The following DACH2 variants were observed in gnomAD, a reference collection of about 807,000 sequenced individuals.
The protein encoded by DACH2 is dachshund family transcription factor 2.
DACH2 carries 17 observed loss-of-function variants against 35.8 expected under a neutral mutation model. The ratio of observed to expected loss-of-function variants is 0.48; its 90% CI spans 0.33 to 0.71. DACH2 has a LOEUF of 0.71. DACH2 is among the 30% of genes least tolerant of loss of function. The pLI, the probability that DACH2 is intolerant of heterozygous loss-of-function variation, is 0.02. For missense variants in DACH2, 469 were observed against 472.7 expected, an observed-to-expected ratio of 0.99 and a Z score of 0.07; for synonymous variants, 195 against 177.3, an observed-to-expected ratio of 1.10 and a Z score of -0.79.
intron 2 of DACH2, among the ~76,000 whole-genome samples, chrX:86,429,298 AT>A (rs780704920): frequency 3.8e-4 from 42 of 110,880 alleles, no homozygotes; most frequent in African/African-American, 1.3e-3. Context: ...GGGTCCTATT[AT>A]TTTTTTCTTC....
At chrX:86,336,805 A>G (rs1358969807) in intron 1 of DACH2, among the ~76,000 whole-genome samples, 3 of 109,977 alleles carry the variant, frequency 2.7e-5, no homozygotes, top group African/African-American at 9.9e-5. Context: ...TTCTAACCCA[A>G]TGCAAGAAAG....
intron 1 of DACH2, among the ~76,000 whole-genome samples, chrX:86,173,146 AG>A (rs778163005): frequency 8.9e-6 from 1 of 111,932 alleles, no homozygotes; most frequent in African/African-American, 3.2e-5. Flanking sequence ...CATATAAAAA[AG>A]ATTATCATTC....
At chrX:86,736,985 T>C (rs2041602852) in intron 6 of DACH2, among the ~76,000 whole-genome samples, 2 of 111,670 alleles carry the variant, frequency 1.8e-5, no homozygotes, top group East Asian at 2.8e-4. Context: ...GACACAATGA[T>C]GAAAGGCAAA....
chrX:86,542,336 A>G (rs374145893), intron 3 of DACH2, among the ~76,000 whole-genome samples: 1 of 111,555 alleles, frequency 9.0e-6, no homozygotes, highest in East Asian at 2.8e-4. Flanking sequence ...TCAAGAATGG[A>G]TTGGTGCCCT....
intron 3 of DACH2, among the ~76,000 whole-genome samples, chrX:86,530,452 A>G (rs1028784761): frequency 7.2e-5 from 8 of 111,211 alleles, no homozygotes; most frequent in Non-Finnish European, 1.3e-4. Flanking sequence ...GTGAGTTTTC[A>G]TGAGATCTGA....
chrX:86,274,302 G>T (rs6623608), intron 1 of DACH2, among the ~76,000 whole-genome samples: 32 of 110,486 alleles, frequency 2.9e-4, no homozygotes, highest in African/African-American at 1.0e-3. Context: ...TCCAGGCATG[G>T]TTCCAAAACT....
At chrX:86,549,822 T>C (rs2039023975) in intron 3 of DACH2, among the ~76,000 whole-genome samples, 1 of 111,834 alleles carries the variant, frequency 8.9e-6, no homozygotes, top group Non-Finnish European at 1.9e-5. Context: ...CTTTCACTTT[T>C]CAATTTAATT....
At chrX:86,628,894 C>G (rs73631967) in intron 3 of DACH2, among the ~76,000 whole-genome samples, 10 of 112,075 alleles carry the variant, frequency 8.9e-5, no homozygotes, top group African/African-American at 2.9e-4. Flanking sequence ...ATTTAATATT[C>G]TCCTACTGGC....
chrX:86,265,181 A>G (rs975880285), intron 1 of DACH2, among the ~76,000 whole-genome samples: 1 of 112,027 alleles, frequency 8.9e-6, no homozygotes, highest in African/African-American at 3.2e-5. Flanking sequence ...TCTTTTTATA[A>G]ATGAATACAT....
intron 3 of DACH2, among the ~76,000 whole-genome samples, chrX:86,553,774 C>T (rs1386023698): frequency 8.9e-6 from 1 of 111,820 alleles, no homozygotes; most frequent in East Asian, 2.8e-4. Context: ...ACCACTGATT[C>T]CTACCTACTT....
intron 2 of DACH2, among the ~76,000 whole-genome samples, chrX:86,423,386 T>C (rs1214296544): frequency 1.8e-5 from 2 of 111,307 alleles, no homozygotes; most frequent in African/African-American, 6.5e-5. Context: ...CAATATCTCA[T>C]TGTAGTTTTT....
intron 4 of DACH2, among the ~76,000 whole-genome samples, chrX:86,667,305 A>G (rs796944933): frequency 3.5e-4 from 12 of 33,920 alleles, no homozygotes; most frequent in Admixed American, 1.1e-3. Flanking sequence ...AAGGAAGGAA[A>G]GAAGGAAGGA....
chrX:86,220,960 T>A (rs897249232), intron 1 of DACH2, among the ~76,000 whole-genome samples: 2 of 111,974 alleles, frequency 1.8e-5, no homozygotes, highest in East Asian at 5.6e-4. Flanking sequence ...ATTTCCCTGA[T>A]GATTAGTGAT....
intron 2 of DACH2, among the ~76,000 whole-genome samples, chrX:86,460,692 A>C (rs2037556746): frequency 9.0e-6 from 1 of 110,898 alleles, no homozygotes; most frequent in Admixed American, 9.7e-5. Context: ...AAAGACTATA[A>C]ATTTTTTCAA....
chrX:86,256,297 A>G (rs1225419253), intron 1 of DACH2, among the ~76,000 whole-genome samples: 1 of 111,511 alleles, frequency 9.0e-6, no homozygotes, highest in Non-Finnish European at 1.9e-5. Context: ...GTATTTCTCT[A>G]CATACTCTAT....
rs1338071562 is a variant in DACH2 at position 86,180,202 on chromosome X, A to ATATATATATATATATATATATATATATT, written c.488+31099_488+31100insATATATATATATATATATATATTTATAT. Among the ~76,000 whole-genome samples the ATATATATATATATATATATATATATATT allele has an allele frequency of 9.0e-5, 8 of 89,038 alleles. 1 individual carries two copies. The highest frequency in any genetic ancestry group is 2.9e-4 in the African/African-American group (7 of 24,317). The allele number at this position is 89,038 out of a possible 115,157, so 77.3% of individuals were successfully genotyped here. The stretch of plus-strand genomic sequence containing the variant: ...TATATATATATATATATATATATAT[A>ATATATATATATATATATATATATATATT]TATATGGTTCTTATAGTAATGTGAA... On this transcript the variant is annotated intron_variant, in intron 1 of 11. Transcript: ENST00000373125.
At position 86,667,402 on chromosome X, in the gene DACH2, AAAG is replaced by A. The variant is rs1299657661; in HGVS notation, c.772+16240_772+16242del. Among the ~76,000 whole-genome samples the A allele has an allele frequency of 7.1e-5, 7 of 98,570 alleles. No homozygotes were observed. In the East Asian group the frequency reaches 9.1e-4, roughly 13 times the overall value. The allele number at this position is 98,570 out of a possible 115,157, so 85.6% of individuals were successfully genotyped here. On this transcript the variant is annotated intron_variant, in intron 4 of 11. Transcript: ENST00000373125. ...GAAGGAAGGAAGGAAGGAAAAAAGA[AAAG>A]AAGAGAAAAAAAGAAAGAAGAAAGA...
intron 3 of DACH2, among the ~76,000 whole-genome samples, chrX:86,611,648 G>A (rs1338521490): frequency 3.6e-5 from 4 of 111,202 alleles, no homozygotes; most frequent in Non-Finnish European, 7.5e-5. Flanking sequence ...TCCCTCTGTA[G>A]GCAGGCATCA....
At chrX:86,667,614 AAGGC>A (rs66773650) in intron 4 of DACH2, among the ~76,000 whole-genome samples, 49 of 96,980 alleles carry the variant, frequency 5.1e-4, no homozygotes, top group South Asian at 1.3e-3. Flanking sequence ...GAAAGAAAGA[AAGGC>A]AGGCAGGCCC....
Sources: allele counts gnomAD v4.1 joint callset (sites outside exome capture counted in the v4.1 genomes callset), GRCh38; gene constraint gnomAD v4.1.1; transcripts MANE v1.5; gene names NCBI Gene and HGNC (gene_info 2026-07-23, HGNC 2026-07-21).